Variants in GRM8 observed in about 807,000 individuals in gnomAD.
The protein encoded by GRM8 is metabotropic glutamate receptor 8.
In GRM8, 47 loss-of-function variants were observed where a neutral mutation model predicts 87.2. That is an observed-to-expected ratio of 0.54 (90% CI 0.43 to 0.69). The LOEUF is 0.69. Ranked by LOEUF, GRM8 falls within the 30% of genes least tolerant of loss-of-function variation. GRM8 has a pLI of 0.00. For missense variants in GRM8, 1,019 were observed against 1,139.2 expected, an observed-to-expected ratio of 0.89 and a Z score of 1.52; for synonymous variants, 396 against 404.5, an observed-to-expected ratio of 0.98 and a Z score of 0.25.
chr7:126,532,704 T>C (rs774809026), intron 9 of GRM8, among the ~76,000 whole-genome samples: 3 of 149,112 alleles, frequency 2.0e-5, no homozygotes, highest in Non-Finnish European at 4.4e-5. Context: ...TAAAGTGTTT[T>C]TCATGGAAAA....
At chr7:127,092,970 G>A (rs1162502380) in intron 3 of GRM8, among the ~76,000 whole-genome samples, 1 of 152,214 alleles carries the variant, frequency 6.6e-6, no homozygotes, top group Non-Finnish European at 1.5e-5. Context: ...CTAGCCTTCT[G>A]TGTGTGCCCA....
At chr7:126,833,096 C>T (rs1345172363) in intron 6 of GRM8, among the ~76,000 whole-genome samples, 3 of 152,206 alleles carry the variant, frequency 2.0e-5, no homozygotes, top group African/African-American at 7.2e-5. Context: ...AACAATCAGT[C>T]TCTTGGCTAG....
In GRM8 at chr7:126,951,525, T is replaced by C. The variant is rs1808159321; in HGVS notation, c.728-46842A>G. On this transcript the variant is annotated intron_variant, in intron 3 of 10. Coordinates refer to ENST00000339582, the MANE Select transcript of GRM8 (RefSeq NM_000845.3). The stretch of plus-strand genomic sequence containing the variant: ...TTACAAATGAGTTACAAAACTACAC[T>C]GAAAGGATGGGGAATAGTAACACTA... Among the ~76,000 whole-genome samples the C allele has an allele frequency of 7.9e-5, 12 of 152,036 alleles. 2 individuals are homozygous for C. The South Asian group carries it at 2.5e-3, about 32-fold the overall frequency.
intron 3 of GRM8, among the ~76,000 whole-genome samples, chr7:127,013,137 C>G (rs1205464406): frequency 6.6e-6 from 1 of 152,152 alleles, no homozygotes; most frequent in Non-Finnish European, 1.5e-5. Flanking sequence ...CAAAGTTACC[C>G]TGATATCCCT....
At chr7:126,524,604 G>C (rs1413188961) in intron 9 of GRM8, among the ~76,000 whole-genome samples, 1 of 151,812 alleles carries the variant, frequency 6.6e-6, no homozygotes, top group Non-Finnish European at 1.5e-5. Context: ...TCCATTCTTT[G>C]TCTCTGTTTC....
At chr7:126,840,205 A>C (rs1796148685) in intron 6 of GRM8, among the ~76,000 whole-genome samples, 1 of 152,180 alleles carries the variant, frequency 6.6e-6, no homozygotes, top group African/African-American at 2.4e-5. Context: ...AATTGGCTAA[A>C]CATTTCTCTG....
intron 9 of GRM8, among the ~76,000 whole-genome samples, chr7:126,499,971 G>A (rs547295132): frequency 6.6e-6 from 1 of 151,938 alleles, no homozygotes; most frequent in African/African-American, 2.4e-5. Context: ...TTTATGGGGC[G>A]TGATGTTTTG....
Position 126,446,390 on chromosome 7 carries a change from A to G in GRM8, c.2431-18T>C. On this transcript the variant is annotated intron_variant, in intron 9 of 10. Coordinates refer to ENST00000339582, the MANE Select transcript of GRM8 (RefSeq NM_000845.3). The stretch of plus-strand genomic sequence containing the variant: ...ATGTACATCTGAGGGAAGAAAAAAA[A>G]AAGAATCACTGTTGGTAAGCCTAAC... The G allele has an allele frequency of 6.4e-7, 1 of 1,551,978 alleles. No homozygotes were observed. Among genetic ancestry groups the G allele is most frequent in the Non-Finnish European group, 8.8e-7 (1 of 1,137,222 alleles).
intron 9 of GRM8, among the ~76,000 whole-genome samples, chr7:126,497,986 G>T (rs1341299913): frequency 6.6e-6 from 1 of 151,884 alleles, no homozygotes; most frequent in Admixed American, 6.6e-5. Flanking sequence ...TTAGATGAGG[G>T]CTAGAAAATC....
intron 2 of GRM8, among the ~76,000 whole-genome samples, chr7:127,172,419 A>G (rs1793862360): frequency 1.3e-5 from 2 of 152,120 alleles, no homozygotes; most frequent in Admixed American, 6.5e-5. Flanking sequence ...AATTTCCACA[A>G]TTTGGCTGGG....
At chr7:126,971,662 G>C (rs1228708745) in intron 3 of GRM8, among the ~76,000 whole-genome samples, 2 of 152,146 alleles carry the variant, frequency 1.3e-5, no homozygotes, top group Non-Finnish European at 2.9e-5. Flanking sequence ...TCCATGAGGA[G>C]AACTAATATC....
At chr7:126,666,014 A>G (rs1261836814) in intron 7 of GRM8, among the ~76,000 whole-genome samples, 1 of 152,110 alleles carries the variant, frequency 6.6e-6, no homozygotes, top group Non-Finnish European at 1.5e-5. Context: ...TTCTTTCTTC[A>G]TTAGGGCTAT....
At chr7:127,054,006 T>A (rs186477309) in intron 3 of GRM8, among the ~76,000 whole-genome samples, 1 of 152,300 alleles carries the variant, frequency 6.6e-6, no homozygotes, top group Admixed American at 6.5e-5. Context: ...TTAACTGGTA[T>A]AGGTTTACAG....
intron 2 of GRM8, among the ~76,000 whole-genome samples, chr7:127,110,592 C>G (rs559394558): frequency 3.0e-4 from 45 of 152,138 alleles, no homozygotes; most frequent in Admixed American, 2.6e-3. Context: ...TTATACAACT[C>G]AGGACACTCA....
intron 8 of GRM8, among the ~76,000 whole-genome samples, chr7:126,598,377 T>A (rs112335823): frequency 0.024 from 3,654 of 152,118 alleles, 138 homozygotes; most frequent in African/African-American, 0.084. Context: ...TTAAATCAGA[T>A]TTGGTATGGC....
intron 7 of GRM8, among the ~76,000 whole-genome samples, chr7:126,614,907 C>A (rs1416585031): frequency 6.6e-6 from 1 of 152,154 alleles, no homozygotes. Context: ...ATTGGTGTAC[C>A]TGAAAGTGAC....
intron 3 of GRM8, among the ~76,000 whole-genome samples, chr7:126,988,853 C>T (rs1327478499): frequency 6.6e-6 from 1 of 152,150 alleles, no homozygotes; most frequent in East Asian, 1.9e-4. Flanking sequence ...TTGGCTTTGG[C>T]ATTTAGGTAG....
At chr7:126,569,667 C>G (rs1794531757) in intron 8 of GRM8, among the ~76,000 whole-genome samples, 1 of 152,158 alleles carries the variant, frequency 6.6e-6, no homozygotes, top group Non-Finnish European at 1.5e-5. Context: ...CAAGTGGTTT[C>G]TCTCAGTAAT....
At chr7:126,455,346 A>C (rs1803111416) in intron 9 of GRM8, among the ~76,000 whole-genome samples, 1 of 151,552 alleles carries the variant, frequency 6.6e-6, no homozygotes, top group South Asian at 2.1e-4. Context: ...GCCCCCATAA[A>C]TACACCGAGA....
Sources: gnomAD v4.1 joint callset for allele counts (sites outside exome capture counted in the v4.1 genomes callset) on GRCh38, gnomAD v4.1.1 for gene constraint, MANE v1.5 for transcripts, NCBI Gene and HGNC (gene_info 2026-07-23, HGNC 2026-07-21) for gene names.